The following CNTN3 variants were observed in gnomAD, a reference collection of about 807,000 sequenced individuals.
CNTN3 encodes the protein contactin-3.
CNTN3 carries 60 observed loss-of-function variants against 119.1 expected under a neutral mutation model. That is an observed-to-expected ratio of 0.50 (90% confidence interval 0.41 to 0.62). CNTN3 has a LOEUF of 0.62. Ranked by LOEUF, CNTN3 falls within the 20% of genes least tolerant of loss-of-function variation. The pLI is 0.00. For synonymous variants in CNTN3, 450 were observed against 438.7 expected, an observed-to-expected ratio of 1.03 and a Z score of -0.32; for missense variants, 1,101 against 1,242.4, an observed-to-expected ratio of 0.89 and a Z score of 1.71.
At chr3:74,406,539 G>GT (rs541713320) in intron 5 of CNTN3, among the ~76,000 whole-genome samples, 1,583 of 145,080 alleles carry the variant, frequency 0.011, 10 homozygotes, top group African/African-American at 0.029. Context: ...TGAACTATGT[G>GT]TTTTTTTTTT....
chr3:74,504,141 T>C (rs915191046), intron 2 of CNTN3, among the ~76,000 whole-genome samples: 11 of 152,162 alleles, frequency 7.2e-5, no homozygotes, highest in Non-Finnish European at 1.5e-5. Context: ...TGATGGTATC[T>C]GAAATTCCTA....
At position 74,380,205 on chromosome 3, in the gene CNTN3, A is replaced by G. The variant is rs1232804715; in HGVS notation, c.455-8806T>C. On this transcript the variant is annotated intron_variant, in intron 5 of 22. Transcript: ENST00000263665. ...GAAAATGCTAGAAAGCAATCTTAAGATTAGCTCCAAACCAAAATGCTGTCA... is the reference window on the plus strand; with the variant it reads ...GAAAATGCTAGAAAGCAATCTTAAGGTTAGCTCCAAACCAAAATGCTGTCA... Among the ~76,000 whole-genome samples, 3 of 152,244 alleles carry G rather than the reference A, an allele frequency of 2.0e-5. No individual in the cohort carries two copies. In the South Asian group the frequency reaches 6.2e-4, roughly 31 times the overall value.
intron 1 of CNTN3, among the ~76,000 whole-genome samples, chr3:74,578,288 A>T (rs77670626): frequency 0.026 from 3,911 of 152,174 alleles, 77 homozygotes; most frequent in South Asian, 0.04. Flanking sequence ...CTGGCAACTT[A>T]TTGCTAAATG....
chr3:74,264,913 T>C lies in CNTN3; in HGVS notation c.2987-412A>G, dbSNP rs544599949. 1.6e-4 allele frequency among the ~76,000 whole-genome samples: 25 copies of C among 152,246 alleles called. 1 individual carries two copies. Among genetic ancestry groups the C allele is most frequent in the African/African-American group, 5.5e-4 (23 of 41,556 alleles). ...TGCAGCATATACTAGTTGCCAAGAG[T>C]ATCTATAAAAACAGTAATGTGTTTA... On this transcript the variant is annotated intron_variant, in intron 22 of 22. Transcript: ENST00000263665.
chr3:74,274,645 T>C (rs1701845904), intron 20 of CNTN3, among the ~76,000 whole-genome samples: 1 of 152,030 alleles, frequency 6.6e-6, no homozygotes. Context: ...GACAAAAGAA[T>C]CTGAACAACA....
chr3:74,471,167 G>A (rs1168033604), intron 4 of CNTN3, among the ~76,000 whole-genome samples: 3 of 152,036 alleles, frequency 2.0e-5, no homozygotes, highest in Non-Finnish European at 4.4e-5. Flanking sequence ...GACACAGGGA[G>A]GGGAACATCA....
At chr3:74,439,232 T>C (rs905667649) in intron 4 of CNTN3, among the ~76,000 whole-genome samples, 1 of 152,148 alleles carries the variant, frequency 6.6e-6, no homozygotes, top group Admixed American at 6.5e-5. Flanking sequence ...TTAGGCTGGG[T>C]GTGGTGGCTC....
chr3:74,283,571 T>C (rs1187068348), intron 20 of CNTN3, among the ~76,000 whole-genome samples: 1 of 152,162 alleles, frequency 6.6e-6, no homozygotes, highest in Admixed American at 6.5e-5. Context: ...AGTTCTTCAC[T>C]GATTCCACCA....
At chr3:74,502,181 A>G (rs1483999616) in intron 2 of CNTN3, among the ~76,000 whole-genome samples, 1 of 152,140 alleles carries the variant, frequency 6.6e-6, no homozygotes, top group Non-Finnish European at 1.5e-5. Flanking sequence ...GAAAGCAATA[A>G]TGCATTAACA....
intron 1 of CNTN3, among the ~76,000 whole-genome samples, chr3:74,582,780 CATTTGTGT>C (rs1369294446): frequency 2.7e-5 from 3 of 109,960 alleles, no homozygotes; most frequent in South Asian, 2.9e-4. Context: ...CATGTGTATG[CATTTGTGT>C]GTGTGTGTGT....
chr3:74,387,158 G>A (rs896011611), intron 5 of CNTN3, among the ~76,000 whole-genome samples: 26 of 152,308 alleles, frequency 1.7e-4, no homozygotes, highest in African/African-American at 6.0e-4. Context: ...AATGGTGGAA[G>A]CTGCTTTTTA....
chr3:74,460,674 T>A (rs1171057012), intron 4 of CNTN3, among the ~76,000 whole-genome samples: 1 of 151,124 alleles, frequency 6.6e-6, no homozygotes, highest in Non-Finnish European at 1.5e-5. Flanking sequence ...TTTAGGATAC[T>A]TTTGTAGATT....
Position 74,542,463 on chromosome 3 carries a change from T to C in CNTN3, c.-80-21271A>G, listed in dbSNP as rs114603202. Among the ~76,000 whole-genome samples, 1,425 of 152,232 alleles carry C rather than the reference T, an allele frequency of 9.4e-3. 26 individuals carry two copies. The highest frequency in any genetic ancestry group is 0.033 in the African/African-American group (1,356 of 41,538). ...TACTAGGGAGATTTTTCAAAATCCA[T>C]GTGTATTTCCTCTACCCAAGCAAAA... On this transcript the variant is annotated intron_variant, in intron 1 of 22. Coordinates refer to ENST00000263665, the MANE Select transcript of CNTN3 (RefSeq NM_020872.3).
Position 74,432,010 on chromosome 3 carries a change from A to G in CNTN3, c.359-7070T>C. Among the ~76,000 whole-genome samples the G allele has an allele frequency of 1.3e-5, 2 of 152,214 alleles. 1 individual carries two copies. The highest frequency in any genetic ancestry group is 4.8e-5 in the African/African-American group (2 of 41,462). ...CCAGTAGTGATAATTTGTACCAGGA[A>G]CACAGACACAGGCAATGCAATAGTC... On this transcript the variant is annotated intron_variant, in intron 4 of 22. Coordinates refer to ENST00000263665, the MANE Select transcript of CNTN3 (RefSeq NM_020872.3).
rs551414912 is a variant in CNTN3, at chr3:74,459,244, C to A, written c.358+27212G>T. 5.9e-5 allele frequency among the ~76,000 whole-genome samples: 9 copies of A among 152,104 alleles called. No homozygotes were observed. The South Asian group carries it at 1.9e-3, about 32-fold the overall frequency. On this transcript the variant is annotated intron_variant, in intron 4 of 22. Transcript: ENST00000263665. ...TTTTTCAAGACCCAGAGGGACCTCA[C>A]TATCATCCTTCACTCACTCTTCCTC...
At chr3:74,286,676 C>T (rs140073264) in intron 19 of CNTN3, among the ~76,000 whole-genome samples, 1 of 152,138 alleles carries the variant, frequency 6.6e-6, no homozygotes, top group African/African-American at 2.4e-5. Flanking sequence ...TTTTCCAGAA[C>T]TGAAGAAACG....
intron 8 of CNTN3, among the ~76,000 whole-genome samples, chr3:74,368,650 C>T (rs560013792): frequency 1.3e-5 from 2 of 152,068 alleles, no homozygotes; most frequent in African/African-American, 4.8e-5. Context: ...CCAAATTGAG[C>T]AGTACATCAA....
At chr3:74,558,982 C>CAATAATAATAATAATAATAATAATAAT (rs60508507) in intron 1 of CNTN3, among the ~76,000 whole-genome samples, 426 of 143,110 alleles carry the variant, frequency 3.0e-3, no homozygotes, top group Middle Eastern at 7.2e-3. Context: ...GACCCTGTCT[C>CAATAATAATAATAATAATAATAATAAT]AATAATAATA....
rs114026797 is a variant in CNTN3, at chr3:74,538,463, A to C, written c.-80-17271T>G. Among the ~76,000 whole-genome samples, 1,283 of 152,198 alleles carry C rather than the reference A, an allele frequency of 8.4e-3. 18 individuals are homozygous for C. The highest frequency in any genetic ancestry group is 0.045 in the Middle Eastern group (13 of 292). Reference sequence around the variant, plus strand: ...TGAGCCCAATTATTTGCAGGGTCAGAGATCTATTATTTTACTTAGCAAAAC... The same window carrying C: ...TGAGCCCAATTATTTGCAGGGTCAGCGATCTATTATTTTACTTAGCAAAAC... On this transcript the variant is annotated intron_variant, in intron 1 of 22. Coordinates refer to ENST00000263665, the MANE Select transcript of CNTN3 (RefSeq NM_020872.3).
Sources: gnomAD v4.1 joint callset for allele counts (sites outside exome capture counted in the v4.1 genomes callset) on GRCh38, gnomAD v4.1.1 for gene constraint, MANE v1.5 for transcripts, NCBI Gene and HGNC (gene_info 2026-07-23, HGNC 2026-07-21) for gene names.